POMGNT2: variants seen among roughly 807,000 people sequenced by gnomAD.
POMGNT2 encodes the protein protein O-linked mannose N-acetylglucosaminyltransferase 2 (beta 1,4-), also known as protein O-linked-mannose beta-1,4-N-acetylglucosaminyltransferase 2.
In POMGNT2, 32 loss-of-function variants were observed where a neutral mutation model predicts 37.8. The ratio of observed to expected loss-of-function variants is 0.85; its 90% CI spans 0.64 to 1.14. The LOEUF is 1.14. Among genes scored for constraint, POMGNT2 ranks in the 50% most tolerant of loss-of-function variants. The pLI, the probability that POMGNT2 is intolerant of heterozygous loss-of-function variation, is 0.00. For synonymous variants in POMGNT2, 340 were observed against 336.8 expected (o/e 1.01, Z -0.10); for missense variants, 705 against 780.6 (o/e 0.90, Z 1.15).
In POMGNT2 at chr3:43,079,669, G is replaced by C. The variant is rs1311571436; in HGVS notation, c.*20C>G. 1 of 1,592,662 alleles carries C rather than the reference G, an allele frequency of 6.3e-7. No individual in the cohort carries two copies. Among genetic ancestry groups the C allele is most frequent in the Middle Eastern group, 1.7e-4 (1 of 5,916 alleles). ...GAACTGCAGGAGCCACCTTCCCGAGGCCAGGCTGTGGCCTGCTCGCTACGT... is the reference window on the plus strand; with the variant it reads ...GAACTGCAGGAGCCACCTTCCCGAGCCCAGGCTGTGGCCTGCTCGCTACGT... On this transcript the variant is annotated 3_prime_UTR_variant, in exon 2 of 2. Transcript: ENST00000344697.
In POMGNT2 at chr3:43,080,033, C is replaced by T; in HGVS notation, c.1399G>A (p.Gly467Ser). The T allele has an allele frequency of 6.2e-7, 1 of 1,613,884 alleles. No individual in the cohort carries two copies. Among genetic ancestry groups the T allele is most frequent in the Non-Finnish European group, 8.5e-7 (1 of 1,180,034 alleles). Residue 467 changes from glycine (G) to serine (S), a missense_variant, in exon 2 of 2, where the codon GGC becomes AGC. Transcript: ENST00000344697. ...LIQTIRRVVKGRPGPRKQKWT... is the reference protein window; with the variant it reads ...LIQTIRRVVKSRPGPRKQKWT... ...TTCTGCTTCCGTGGTCCTGGCCGGC[C>T]CTTCACCACGCGCCGTATGGTTTGA...
At chr3:43,102,869 A>G (rs905830657) in intron 1 of POMGNT2, among the ~76,000 whole-genome samples, 2 of 152,134 alleles carry the variant, frequency 1.3e-5, no homozygotes, top group African/African-American at 4.8e-5. Flanking sequence ...AGTTTTTATT[A>G]GTCAAGGGCA....
chr3:43,100,075 C>CA (rs931037165), intron 1 of POMGNT2, among the ~76,000 whole-genome samples: 38 of 152,092 alleles, frequency 2.5e-4, no homozygotes, highest in Non-Finnish European at 4.7e-4. Flanking sequence ...TTTAAATTTA[C>CA]AAAAAAAGTT....
rs766508088 is a variant in POMGNT2 at position 43,081,349 on chromosome 3, T to C, written c.83A>G (p.His28Arg). 48 of 1,609,944 alleles carry C rather than the reference T, an allele frequency of 3.0e-5. No homozygotes were observed. Among genetic ancestry groups the C allele is most frequent in the Non-Finnish European group, 6.8e-6 (8 of 1,179,878 alleles). ...VLWKHVRLRE[H>R]AATLEEELAL... Reference sequence around the variant, plus strand: ...CAGCTCCTCCTCCAGTGTGGCTGCATGCTCACGCAGCCGCACATGCTTCCA... The same window carrying C: ...CAGCTCCTCCTCCAGTGTGGCTGCACGCTCACGCAGCCGCACATGCTTCCA... Residue 28 changes from histidine to arginine, a missense_variant, in exon 2 of 2, where the codon CAT (histidine) becomes CGT (arginine). By Grantham distance (29) the His-to-Arg change is conservative. Coordinates refer to ENST00000344697, the MANE Select transcript of POMGNT2 (RefSeq NM_032806.6).
rs1181883767 is a variant in POMGNT2, at chr3:43,079,319, C to T, written c.*370G>A. 2 of 189,416 alleles carry T rather than the reference C, an allele frequency of 1.1e-5. No homozygotes were observed. The highest frequency in any genetic ancestry group is 2.1e-5 in the Non-Finnish European group (2 of 93,820). 11.7% of individuals were successfully genotyped at this position (189,416 alleles called of 1,614,324 possible). On this transcript the variant is annotated 3_prime_UTR_variant, in exon 2 of 2. Transcript: ENST00000344697. Reference sequence around the variant, plus strand: ...CACTGGGATGGAAGCAGATGAACCACCCAATCAAACAGTACATGATTACTC... The same window carrying T: ...CACTGGGATGGAAGCAGATGAACCATCCAATCAAACAGTACATGATTACTC...
intron 1 of POMGNT2, among the ~76,000 whole-genome samples, chr3:43,094,050 A>G (rs1365156249): frequency 6.6e-6 from 1 of 152,170 alleles, no homozygotes; most frequent in African/African-American, 2.4e-5. Flanking sequence ...TTAGGTAGCC[A>G]AAGTGTGGTA....
At chr3:43,085,640 T>C (rs1481791720) in intron 1 of POMGNT2, among the ~76,000 whole-genome samples, 1 of 152,154 alleles carries the variant, frequency 6.6e-6, no homozygotes. Context: ...TTGCCCAGTC[T>C]TGGGTATGTC....
In POMGNT2 at chr3:43,080,119, C is replaced by A. The variant is rs371405205; in HGVS notation, c.1313G>T (p.Arg438Leu). 1.9e-6 allele frequency: 3 copies of A among 1,613,758 alleles called. No individual in the cohort carries two copies. Among genetic ancestry groups the A allele is most frequent in the Admixed American group, 3.3e-5 (2 of 60,016 alleles). ...GATTCGGAAGAGCCACTCGGGGTTC[C>A]GGCAACAGAGATGCCGTGGGACCTC... ...SREVPRHLCCRNPEWLFRIYQ... is the reference protein window; with the variant it reads ...SREVPRHLCCLNPEWLFRIYQ... Residue 438 changes from arginine to leucine, a missense_variant, in exon 2 of 2, where the codon CGG becomes CTG. Coordinates refer to ENST00000344697, the MANE Select transcript of POMGNT2 (RefSeq NM_032806.6).
chr3:43,085,317 G>A (rs1374893136), intron 1 of POMGNT2, among the ~76,000 whole-genome samples: 1 of 152,150 alleles, frequency 6.6e-6, no homozygotes, highest in Non-Finnish European at 1.5e-5. Context: ...TATCTGATAT[G>A]GTTTGGCTCT....
Position 43,080,344 on chromosome 3 carries a change from T to C in POMGNT2, c.1088A>G (p.Glu363Gly), listed in dbSNP as rs773919100. 1 of 1,614,118 alleles carries C rather than the reference T, an allele frequency of 6.2e-7. No homozygotes were observed. The highest frequency in any genetic ancestry group is 8.5e-7 in the Non-Finnish European group (1 of 1,179,996). ...GGGATTGACAGCATATGGGAAGAGC[T>C]CTACCACAGTTGCCCCACGGGGCAG... ...LFLPRGATVV[E>G]LFPYAVNPDH... Residue 363 changes from glutamate (E) to glycine (G), a missense_variant, in exon 2 of 2, where the codon GAG becomes GGG. Glu to Gly is a moderately conservative substitution (Grantham distance 98, BLOSUM62 -2). Coordinates refer to ENST00000344697, the MANE Select transcript of POMGNT2 (RefSeq NM_032806.6).
intron 1 of POMGNT2, among the ~76,000 whole-genome samples, chr3:43,085,501 A>G (rs923541775): frequency 2.7e-5 from 4 of 150,226 alleles, no homozygotes; most frequent in Non-Finnish European, 5.9e-5. Context: ...GTTTCTTTGC[A>G]CAAGCTCTCT....
In POMGNT2 at chr3:43,080,622, G is replaced by C. The variant is rs2089842378; in HGVS notation, c.810C>G (p.Phe270Leu). 2 of 1,614,090 alleles carry C rather than the reference G, an allele frequency of 1.2e-6. No individual in the cohort carries two copies. Among genetic ancestry groups the C allele is most frequent in the African/African-American group, 2.7e-5 (2 of 74,942 alleles). The part of the protein sequence containing the change: ...SGNEIRQFAR[F>L]MTEKLNVSHT... ...GGCTCACGTTCAGCTTTTCTGTCAT[G>C]AACCGTGCAAACTGCCGGATCTCAT... is the stretch of plus-strand genomic sequence containing the variant. Residue 270 changes from phenylalanine to leucine, a missense_variant, in exon 2 of 2, where the codon TTC (phenylalanine) becomes TTG (leucine). Phe to Leu is a conservative substitution (Grantham distance 22). Transcript: ENST00000344697.
chr3:43,085,228 C>T (rs1308214992), intron 1 of POMGNT2, among the ~76,000 whole-genome samples: 4 of 152,060 alleles, frequency 2.6e-5, no homozygotes, highest in African/African-American at 4.8e-5. Flanking sequence ...ACTAGGCGGT[C>T]GTGAAAGTCT....
At position 43,098,008 on chromosome 3, in the gene POMGNT2, T is replaced by C. The variant is rs998533215; in HGVS notation, c.-106+7828A>G. Among the ~76,000 whole-genome samples the C allele has an allele frequency of 2.0e-5, 3 of 152,080 alleles. No individual in the cohort carries two copies. Among genetic ancestry groups the C allele is most frequent in the African/African-American group, 7.2e-5 (3 of 41,404 alleles). On this transcript the variant is annotated intron_variant, in intron 1 of 1. Transcript: ENST00000344697. This position sits in a 1 kb window ranked among gnomAD's most constrained non-coding sequence, Gnocchi z 4.3. ...ACCGGTCACTCCTCCACAAGAAGGG[T>C]TACAGAGGTGGAGGGACCAGACAGC...
In POMGNT2 at chr3:43,080,139, G is replaced by A. The variant is rs1455283459; in HGVS notation, c.1293C>T (p.Val431=). ...EQARILQSRE[V]PRHLCCRNPE... is the part of the protein sequence containing the mutation. The stretch of plus-strand genomic sequence containing the variant: ...GGTTCCGGCAACAGAGATGCCGTGG[G>A]ACCTCACGGCTTTGCAGGATACGGG... The change falls in exon 2 of 2, where the codon GTC becomes GTT. Residue 431 remains valine, a synonymous_variant. Coordinates refer to ENST00000344697, the MANE Select transcript of POMGNT2 (RefSeq NM_032806.6). 2.5e-6 allele frequency: 4 copies of A among 1,613,950 alleles called. No homozygotes were observed. The highest frequency in any genetic ancestry group is 1.1e-5 in the South Asian group (1 of 91,084).
At chr3:43,086,067 G>A (rs1360947807) in intron 1 of POMGNT2, among the ~76,000 whole-genome samples, 1 of 152,016 alleles carries the variant, frequency 6.6e-6, no homozygotes, top group Non-Finnish European at 1.5e-5. Flanking sequence ...GGATAAATTT[G>A]TCTACTCTAT....
chr3:43,080,296 G>A lies in POMGNT2; in HGVS notation c.1136C>T (p.Thr379Met), dbSNP rs918586203. 1.8e-5 allele frequency: 29 copies of A among 1,614,094 alleles called. No homozygotes were observed. The highest frequency in any genetic ancestry group is 4.4e-5 in the South Asian group (4 of 91,090). ...GTCCATGCCAGGCAGCATGGCCAGC[G>A]TCTTATAGGGAGTGTAGTGGTCGGG... ...VNPDHYTPYKTLAMLPGMDLQ... is the reference protein window; with the variant it reads ...VNPDHYTPYKMLAMLPGMDLQ... Residue 379 changes from threonine to methionine, a missense_variant, in exon 2 of 2, where the codon ACG becomes ATG. Physicochemically the swap from Thr to Met is moderately conservative, Grantham distance 81. Transcript: ENST00000344697.
intron 1 of POMGNT2, among the ~76,000 whole-genome samples, chr3:43,101,948 A>G (rs1193049155): frequency 6.6e-6 from 1 of 152,098 alleles, no homozygotes; most frequent in Non-Finnish European, 1.5e-5. Context: ...TCTCTTGGCC[A>G]CAGCTAAATG....
intron 1 of POMGNT2, among the ~76,000 whole-genome samples, chr3:43,086,885 C>T (rs1457723806): frequency 6.6e-6 from 1 of 152,102 alleles, no homozygotes; most frequent in Non-Finnish European, 1.5e-5. Context: ...AGAAGATGAC[C>T]TTATTTGGAA....
Sources: allele counts gnomAD v4.1 joint callset (sites outside exome capture counted in the v4.1 genomes callset), GRCh38; gene constraint gnomAD v4.1.1; non-coding constraint Gnocchi (gnomAD v3.1); transcripts MANE v1.5; gene names NCBI Gene and HGNC (gene_info 2026-07-23, HGNC 2026-07-21).